The following MBTD1 variants were observed in gnomAD, a reference collection of about 807,000 sequenced individuals.
MBTD1 encodes mbt domain containing 1.
MBTD1 carries 24 observed loss-of-function variants against 87.8 expected under a neutral mutation model. The observed-to-expected ratio is 0.27, with a 90% CI of 0.20 to 0.38. The LOEUF (loss-of-function observed/expected upper bound fraction) is 0.38, where lower values mean the gene tolerates loss of function less well. Among genes scored for constraint, MBTD1 ranks in the 10% least tolerant of loss-of-function variants. The pLI is 1.00. For missense variants in MBTD1, 436 were observed against 760.2 expected (o/e 0.57, Z 5.02); for synonymous variants, 237 against 248.6 (o/e 0.95, Z 0.44).
In MBTD1 at chr17:51,196,571, T is replaced by C. The variant is rs1352054791; in HGVS notation, c.1225-1210A>G. On this transcript the variant is annotated intron_variant, in intron 12 of 16. Coordinates refer to ENST00000586178, the MANE Select transcript of MBTD1 (RefSeq NM_017643.3). Reference sequence around the variant, plus strand: ...GCTTTCAAAAGACCATCTCTTATACTCTAATGTTTCCCAATTTCCACTATA... The same window carrying C: ...GCTTTCAAAAGACCATCTCTTATACCCTAATGTTTCCCAATTTCCACTATA... Among the ~76,000 whole-genome samples the C allele has an allele frequency of 2.0e-5, 3 of 152,034 alleles. No individual in the cohort carries two copies. In the East Asian group the frequency reaches 5.8e-4, roughly 29 times the overall value.
intron 6 of MBTD1, among the ~76,000 whole-genome samples, chr17:51,214,521 G>C (rs774413249): frequency 6.6e-5 from 10 of 152,120 alleles, no homozygotes; most frequent in Non-Finnish European, 1.3e-4. Context: ...TAATATCTAA[G>C]TGCTGGAAAA....
intron 12 of MBTD1, among the ~76,000 whole-genome samples, chr17:51,195,823 C>T (rs777969013): frequency 5.3e-5 from 8 of 152,202 alleles, no homozygotes; most frequent in Admixed American, 1.3e-4. Context: ...GATAACCATA[C>T]TCCTCTATGG....
At chr17:51,190,481 G>A (rs952573220) in intron 16 of MBTD1, among the ~76,000 whole-genome samples, 2 of 151,806 alleles carry the variant, frequency 1.3e-5, no homozygotes, top group Non-Finnish European at 2.9e-5. Context: ...CACTTTGGGA[G>A]ACCAAGGCAG....
At position 51,179,493 on chromosome 17, in the gene MBTD1, T is replaced by C. The variant is rs1390557589; in HGVS notation, c.*1083A>G. ...ACAATTAAAGACAATTTTATATATA[T>C]ATATATATATATATATATATATATA... On this transcript the variant is annotated 3_prime_UTR_variant, in exon 17 of 17. Coordinates refer to ENST00000586178, the MANE Select transcript of MBTD1 (RefSeq NM_017643.3). 9 of 32,388 alleles carry C rather than the reference T, an allele frequency of 2.8e-4. No homozygotes were observed. Among genetic ancestry groups the C allele is most frequent in the African/African-American group, 9.7e-4 (9 of 9,268 alleles). The allele number at this position is 32,388 out of a possible 1,614,324, so 2.0% of individuals were successfully genotyped here.
chr17:51,219,391 G>T (rs568109304), intron 4 of MBTD1, among the ~76,000 whole-genome samples: 2 of 152,266 alleles, frequency 1.3e-5, no homozygotes, highest in South Asian at 4.1e-4. Context: ...ACTCATGCAG[G>T]TTGCCAAGCA....
chr17:51,244,811 C>G (rs1296944003), intron 2 of MBTD1, among the ~76,000 whole-genome samples: 2 of 152,106 alleles, frequency 1.3e-5, no homozygotes, highest in Non-Finnish European at 2.9e-5. Context: ...CTGCTCCAGC[C>G]CTGAAATCAA....
At chr17:51,253,028 T>C (rs1175315381) in intron 2 of MBTD1, among the ~76,000 whole-genome samples, 1 of 152,100 alleles carries the variant, frequency 6.6e-6, no homozygotes, top group African/African-American at 2.4e-5. Context: ...ACCATTTTTT[T>C]TGGAATACTT....
Position 51,217,326 on chromosome 17 carries a change from G to A in MBTD1, c.486+8C>T, listed in dbSNP as rs543656062. 16 of 1,492,316 alleles carry A rather than the reference G, an allele frequency of 1.1e-5. 1 individual carries two copies. The South Asian group carries it at 2.0e-4, about 19-fold the overall frequency. The allele number at this position is 1,492,316 out of a possible 1,614,324, so 92.4% of individuals were successfully genotyped here. On this transcript the variant is annotated splice_region_variant and intron_variant, in intron 6 of 16. Coordinates refer to ENST00000586178, the MANE Select transcript of MBTD1 (RefSeq NM_017643.3). Reference sequence around the variant, plus strand: ...ACTTCAAAATAAGGTGAGAAATTCTGTACTTACATGTTTAAAACAGGTAAC... The same window carrying A: ...ACTTCAAAATAAGGTGAGAAATTCTATACTTACATGTTTAAAACAGGTAAC...
chr17:51,208,593 C>T (rs768377683), intron 6 of MBTD1, among the ~76,000 whole-genome samples: 39 of 152,108 alleles, frequency 2.6e-4, no homozygotes, highest in Non-Finnish European at 2.9e-4. Context: ...TGTACCTATT[C>T]GAGTAGATAG....
At chr17:51,237,250 C>T (rs549244309) in intron 2 of MBTD1, among the ~76,000 whole-genome samples, 20 of 140,408 alleles carry the variant, frequency 1.4e-4, no homozygotes, top group East Asian at 6.2e-4. Context: ...GAGCCAAGAT[C>T]GTGCCATTGC....
At chr17:51,232,398 C>A (rs1209007929) in intron 2 of MBTD1, among the ~76,000 whole-genome samples, 25 of 152,074 alleles carry the variant, frequency 1.6e-4, no homozygotes, top group Non-Finnish European at 2.9e-5. Flanking sequence ...TCAGCAGAAA[C>A]TGATTAAGAA....
Position 51,215,752 on chromosome 17 carries a change from CACTG to C in MBTD1, c.486+1578_486+1581del, listed in dbSNP as rs111794982. Among the ~76,000 whole-genome samples the C allele has an allele frequency of 1.5e-4, 23 of 152,206 alleles. 2 individuals are homozygous for C. The highest frequency in any genetic ancestry group is 5.3e-4 in the African/African-American group (22 of 41,514). On this transcript the variant is annotated intron_variant, in intron 6 of 16. Coordinates refer to ENST00000586178, the MANE Select transcript of MBTD1 (RefSeq NM_017643.3). ...TAAGATTCCATTTAAGGCAAGATGTCACTGACTAAGGGCTTCATATTGTATTTTC... is the reference window on the plus strand; with the variant it reads ...TAAGATTCCATTTAAGGCAAGATGTCACTAAGGGCTTCATATTGTATTTTC...
chr17:51,220,248 A>G (rs2052809155), intron 4 of MBTD1, 82 bp downstream of exon 4: 1 of 1,321,350 alleles, frequency 7.6e-7, no homozygotes. Flanking sequence ...GGTGGAGTAC[A>G]GTGAATCACA....
In MBTD1 at chr17:51,225,114, G is replaced by A. The variant is rs2053134547; in HGVS notation, c.48C>T (p.Ser16=). The part of the protein sequence containing the change: ...DSCSEDTSSS[S]SSEESEEEVA... ...CTTCTTCCTCACTCTCTTCGGAGCT[G>A]GAGCTGCTGCTTGTGTCCTCACTGC... The change falls in exon 3 of 17, where the codon TCC becomes TCT. Residue 16 remains serine (S), a synonymous_variant. Transcript: ENST00000586178. The A allele has an allele frequency of 6.4e-7, 1 of 1,551,344 alleles. No homozygotes were observed. The highest frequency in any genetic ancestry group is 8.7e-7 in the Non-Finnish European group (1 of 1,146,722).
chr17:51,192,405 T>C (rs2050856411), intron 15 of MBTD1, 125 bp from the exon 16 acceptor site: 8 of 701,474 alleles, frequency 1.1e-5, no homozygotes, highest in South Asian at 5.8e-5. Flanking sequence ...CATGATGCTC[T>C]GAAAATAAGG....
chr17:51,188,346 A>G (rs957340024), intron 16 of MBTD1, among the ~76,000 whole-genome samples: 1 of 152,208 alleles, frequency 6.6e-6, no homozygotes, highest in African/African-American at 2.4e-5. Context: ...CCTTCGTGGC[A>G]TGAACACAAC....
chr17:51,238,397 CA>C, intron 2 of MBTD1, among the ~76,000 whole-genome samples: 1 of 152,076 alleles, frequency 6.6e-6, no homozygotes, highest in East Asian at 1.9e-4. Flanking sequence ...ATTATAACAT[CA>C]AAGTAACCAA....
intron 2 of MBTD1, among the ~76,000 whole-genome samples, chr17:51,240,242 T>A (rs2054089101): frequency 6.6e-6 from 1 of 152,188 alleles, no homozygotes; most frequent in South Asian, 2.1e-4. Context: ...TACATTAGTA[T>A]TGAACATGCT....
intron 2 of MBTD1, among the ~76,000 whole-genome samples, chr17:51,241,850 G>C (rs555359467): frequency 1.8e-4 from 27 of 152,296 alleles, no homozygotes; most frequent in African/African-American, 6.0e-4. Flanking sequence ...ACAGGCATGA[G>C]CCACCATGCC....
Sources: allele counts gnomAD v4.1 joint callset (sites outside exome capture counted in the v4.1 genomes callset), GRCh38; gene constraint gnomAD v4.1.1; transcripts MANE v1.5; gene names NCBI Gene and HGNC (gene_info 2026-07-23, HGNC 2026-07-21).